CAPN12: variants seen among roughly 807,000 people sequenced by gnomAD.
The protein encoded by CAPN12 is calpain 12, also known as calpain-12.
In CAPN12, 107 loss-of-function variants were observed where a neutral mutation model predicts 95.0. The observed-to-expected ratio is 1.13, with a 90% CI of 0.96 to 1.32. CAPN12 has a LOEUF of 1.32. CAPN12 is among the 40% of genes most tolerant of loss of function. CAPN12 has a pLI of 0.00. For missense variants in CAPN12, 1,136 were observed against 997.8 expected, an observed-to-expected ratio of 1.14 and a Z score of -1.87; for synonymous variants, 505 against 415.5, an observed-to-expected ratio of 1.22 and a Z score of -2.62.
chr19:38,735,303 G>T lies in CAPN12; in HGVS notation c.1686+67C>A. On this transcript the variant is annotated intron_variant, in intron 14 of 20. Transcript: ENST00000328867. ...AATGAGACACCTGAGATGCTGGGGT[G>T]GGGGAAGGGGGGTCCCCAAGGGGAG... is the stretch of plus-strand genomic sequence containing the variant. 4.9e-6 allele frequency: 7 copies of T among 1,441,142 alleles called. No homozygotes were observed. In the South Asian group the frequency reaches 6.9e-5, roughly 14 times the overall value. The allele number at this position is 1,441,142 out of a possible 1,614,324, so 89.3% of individuals were successfully genotyped here. A position where few individuals can be genotyped will look rare whatever the true frequency, so the allele number is the denominator to read the frequency against.
rs371854972 is a variant in CAPN12, at chr19:38,734,339, G to A, written c.1795C>T (p.Gln599Ter). The change falls in exon 16 of 21, where the codon CAG becomes TAG. Residue 599 changes from glutamine to a stop codon, truncating the protein, a stop_gained. Transcript: ENST00000328867. LOFTEE classifies it high-confidence loss of function. ...PREIGLRTCE[Q>*]LLQCFGHGQS... ...TGTACCCCGAAACACTGCAGCAGCT[G>A]CTCACAGGTCCTGAGCCCGATCTCT... The A allele has an allele frequency of 4.4e-6, 7 of 1,608,014 alleles. No individual in the cohort carries two copies. In the African/African-American group the frequency reaches 9.4e-5, roughly 21 times the overall value.
intron 10 of CAPN12, 40 bp downstream of exon 10, chr19:38,737,116 T>A: frequency 8.8e-6 from 6 of 683,626 alleles, no homozygotes; most frequent in Non-Finnish European, 1.1e-5. Context: ...CCCTCCACCC[T>A]CCGGGTTCCC....
intron 18 of CAPN12, among the ~76,000 whole-genome samples, chr19:38,732,792 AGT>A (rs141454785): frequency 0.24 from 35,821 of 151,954 alleles, 4,441 homozygotes; most frequent in Middle Eastern, 0.4. Context: ...CAGGCCCCAG[AGT>A]GGGGTTGGGG....
intron 10 of CAPN12, 66 bp from the exon 11 acceptor site, chr19:38,736,629 C>T: frequency 7.3e-7 from 1 of 1,372,752 alleles, no homozygotes. Flanking sequence ...GGGTCTCCTC[C>T]CTGCCCCTTC....
intron 18 of CAPN12, 78 bp downstream of exon 18, chr19:38,733,625 G>T: frequency 2.3e-6 from 3 of 1,316,238 alleles, no homozygotes; most frequent in Non-Finnish European, 2.2e-6. Flanking sequence ...GGCCACAGCT[G>T]AGCAGGGGGA....
Position 38,735,514 on chromosome 19 carries a change from C to T in CAPN12, c.1614G>A (p.Leu538=). 6.2e-7 allele frequency: 1 copy of T among 1,611,070 alleles called. No homozygotes were observed. ...VEIDDVISAD[L]QSLQGPYLPL... ...GAACAGTCCCCACCTGGAGAGACTG[C>T]AGGTCTGCGCTGATCACGTCGTCGA... Residue 538 remains leucine, a synonymous_variant, in exon 13 of 21, where the codon CTG becomes CTA. Transcript: ENST00000328867.
chr19:38,740,429 C>T (rs1171044198), intron 4 of CAPN12, among the ~76,000 whole-genome samples: 1 of 152,090 alleles, frequency 6.6e-6, no homozygotes, highest in East Asian at 1.9e-4. Flanking sequence ...CTCCCGGGTT[C>T]AAGCGATCCT....
chr19:38,730,721 C>T lies in CAPN12; in HGVS notation c.*131G>A, dbSNP rs1202827621. On this transcript the variant is annotated 3_prime_UTR_variant, in exon 21 of 21. Coordinates refer to ENST00000328867, the MANE Select transcript of CAPN12 (RefSeq NM_144691.4). ...GCCAGAGTGGTCACCCGGCCGTGAG[C>T]AGTGAGGGCCAGAGACTAGCCCCAG... 5.2e-6 allele frequency: 6 copies of T among 1,146,582 alleles called. No individual in the cohort carries two copies. Among genetic ancestry groups the T allele is most frequent in the Non-Finnish European group, 6.3e-6 (5 of 797,262 alleles). The allele number at this position is 1,146,582 out of a possible 1,614,324, so 71.0% of individuals were successfully genotyped here.
chr19:38,744,408 G>T lies in CAPN12; in HGVS notation c.-243C>A. On this transcript the variant is annotated 5_prime_UTR_variant, in exon 1 of 21. Transcript: ENST00000328867. ...GCTTAATGGGCTTGGCCAGCAGCAG[G>T]AGAGAAGGCGGGCAGAGCTGAGGGA... 1 of 572,068 alleles carries T rather than the reference G, an allele frequency of 1.7e-6. No individual in the cohort carries two copies. The highest frequency in any genetic ancestry group is 3.1e-6 in the Non-Finnish European group (1 of 319,970). 35.4% of individuals were successfully genotyped at this position (572,068 alleles called of 1,614,324 possible).
chr19:38,733,417 C>T (rs544816561), intron 18 of CAPN12: 1 of 434,990 alleles, frequency 2.3e-6, no homozygotes, highest in East Asian at 4.0e-5. Flanking sequence ...ATACCAGCTC[C>T]TAATCTTCCC....
rs1281228824 is a variant in CAPN12 at position 38,730,791 on chromosome 19, T to G, written c.*61A>C. 1.3e-6 allele frequency: 2 copies of G among 1,541,914 alleles called. No homozygotes were observed. The highest frequency in any genetic ancestry group is 1.8e-6 in the Non-Finnish European group (2 of 1,140,162). On this transcript the variant is annotated 3_prime_UTR_variant, in exon 21 of 21. Transcript: ENST00000328867. ...AGTGGCACCCATGCCAGGCAAGGCC[T>G]AGGGAGGTGGTCTTGCTCAGCAACC...
In CAPN12 at chr19:38,735,352, T is replaced by C; in HGVS notation, c.1686+18A>G. The C allele has an allele frequency of 6.4e-7, 1 of 1,565,272 alleles. No homozygotes were observed. The highest frequency in any genetic ancestry group is 8.7e-7 in the Non-Finnish European group (1 of 1,151,944). ...AGGCCGCAGCGGGATACCCCCTCAG[T>C]CCAATCCCCCTCCTCACCTCTCCAG... On this transcript the variant is annotated intron_variant, in intron 14 of 20. Transcript: ENST00000328867.
intron 17 of CAPN12, 31 bp downstream of exon 17, chr19:38,734,107 CTCTT>C (rs768076835): frequency 6.2e-7 from 1 of 1,609,850 alleles, no homozygotes; most frequent in Non-Finnish European, 8.5e-7. Context: ...AAAGGTTTCT[CTCTT>C]TCTGGGAAGA....
At position 38,733,723 on chromosome 19, in the gene CAPN12, C is replaced by T. The variant is rs549946105; in HGVS notation, c.1937G>A (p.Arg646Lys). 3.1e-6 allele frequency: 5 copies of T among 1,613,506 alleles called. No homozygotes were observed. The highest frequency in any genetic ancestry group is 2.7e-5 in the African/African-American group (2 of 74,938). Residue 646 changes from arginine to lysine, a missense_variant, in exon 18 of 21, where the codon AGG becomes AAG. Coordinates refer to ENST00000328867, the MANE Select transcript of CAPN12 (RefSeq NM_144691.4). The stretch of plus-strand genomic sequence containing the variant: ...CACACCTGCTGCATTCAGTGCCAGC[C>T]TCAGCTCGTAGGAGTTCATGGTTCC... The part of the protein sequence containing the change: ...TSGTMNSYEL[R>K]LALNAAGFHL...
chr19:38,730,465 T>G lies in CAPN12; in HGVS notation c.*387A>C, dbSNP rs953786374. The G allele has an allele frequency of 4.5e-6, 1 of 223,906 alleles. No individual in the cohort carries two copies. The highest frequency in any genetic ancestry group is 2.3e-5 in the African/African-American group (1 of 43,684). The allele number at this position is 223,906 out of a possible 1,614,324, so 13.9% of individuals were successfully genotyped here. ...TGAGTTTATTCTGATTGATTTTTTTTCTTGGTTTCTGGATAAACCACCCTC... is the reference window on the plus strand; with the variant it reads ...TGAGTTTATTCTGATTGATTTTTTTGCTTGGTTTCTGGATAAACCACCCTC... On this transcript the variant is annotated 3_prime_UTR_variant, in exon 21 of 21. Transcript: ENST00000328867.
rs1041106641 is a variant in CAPN12 at position 38,730,892 on chromosome 19, G to A, written c.2134-14C>T. On this transcript the variant is annotated splice_polypyrimidine_tract_variant and intron_variant, in intron 20 of 20. Transcript: ENST00000328867. ...CACCTCCATCCACTAAGGAAGAGAA[G>A]GAAGACAGTGGCTTGAGGCAGGGAG... The A allele has an allele frequency of 1.9e-6, 3 of 1,551,390 alleles. No homozygotes were observed. The highest frequency in any genetic ancestry group is 2.4e-5 in the South Asian group (2 of 84,110).
chr19:38,734,446 A>C, intron 15 of CAPN12, 57 bp from the exon 16 acceptor site: 1 of 1,462,900 alleles, frequency 6.8e-7, no homozygotes, highest in Non-Finnish European at 9.3e-7. Context: ...CACCACTTTA[A>C]GGGCTGGGTG....
chr19:38,737,586 G>A lies in CAPN12; in HGVS notation c.1018C>T (p.Leu340=), dbSNP rs1568787588. 2 of 1,612,038 alleles carry A rather than the reference G, an allele frequency of 1.2e-6. No individual in the cohort carries two copies. Among genetic ancestry groups the A allele is most frequent in the South Asian group, 2.2e-5 (2 of 91,006 alleles). ...LHFDTVQICS[L]SPEVLGPSPE... ...CTGGGGCCCAGCACCTCCGGGCTCA[G>A]CGAGCAGATCTGCACGGTGTCGAAA... The change falls in exon 9 of 21, where the codon CTG becomes TTG. Residue 340 remains leucine, a synonymous_variant. Coordinates refer to ENST00000328867, the MANE Select transcript of CAPN12 (RefSeq NM_144691.4).
intron 14 of CAPN12, 51 bp downstream of exon 14, chr19:38,735,319 C>T (rs746574227): frequency 7.9e-6 from 12 of 1,511,054 alleles, no homozygotes; most frequent in Non-Finnish European, 8.9e-7. Context: ...AGGGGGGTCC[C>T]CAAGGGGAGG....
Sources: gnomAD v4.1 joint callset for allele counts (sites outside exome capture counted in the v4.1 genomes callset) on GRCh38, gnomAD v4.1.1 for gene constraint, MANE v1.5 for transcripts, NCBI Gene and HGNC (gene_info 2026-07-23, HGNC 2026-07-21) for gene names.